The following EFNA5 variants were observed in gnomAD, a reference collection of about 807,000 sequenced individuals.
EFNA5 encodes ephrin-A5.
Under a neutral mutation model 22.9 loss-of-function variants are expected in EFNA5, and 5 were observed. The ratio of observed to expected loss-of-function variants is 0.22; its 90% CI spans 0.11 to 0.46. The LOEUF is 0.46. Ranked by LOEUF, EFNA5 falls within the 20% of genes least tolerant of loss-of-function variation. The pLI, the probability that EFNA5 is intolerant of heterozygous loss-of-function variation, is 0.99. For synonymous variants in EFNA5, 113 were observed against 112.2 expected (o/e 1.01, Z -0.04); for missense variants, 237 against 293.3 (o/e 0.81, Z 1.40).
chr5:107,440,517 T>A (rs1354119317), intron 1 of EFNA5, among the ~76,000 whole-genome samples: 1 of 152,180 alleles, frequency 6.6e-6, no homozygotes, highest in African/African-American at 2.4e-5. Context: ...TGAGGCAAGG[T>A]TAATGTCAAG....
chr5:107,515,461 C>T (rs1467903912), intron 1 of EFNA5, among the ~76,000 whole-genome samples: 1 of 151,240 alleles, frequency 6.6e-6, no homozygotes, highest in Admixed American at 6.6e-5. Context: ...TCAATGCAAC[C>T]TCCGCCTGCT....
Position 107,546,651 on chromosome 5 carries a change from AACACACACAC to A in EFNA5, c.126-119152_126-119143del, listed in dbSNP as rs767896375. 5.0e-4 allele frequency among the ~76,000 whole-genome samples: 61 copies of A among 121,360 alleles called. No homozygotes were observed. In the South Asian group the frequency reaches 0.014, roughly 28 times the overall value. 79.6% of individuals were successfully genotyped at this position (121,360 alleles called of 152,430 possible). On this transcript the variant is annotated intron_variant, in intron 1 of 4. Coordinates refer to ENST00000333274, the MANE Select transcript of EFNA5 (RefSeq NM_001962.3). ...AGTTGAAGGTTTTTCTGGTGCGTAA[AACACACACAC>A]ACACACACACACACACACACACACA...
At chr5:107,633,657 A>G (rs983154083) in intron 1 of EFNA5, among the ~76,000 whole-genome samples, 2 of 152,226 alleles carry the variant, frequency 1.3e-5, no homozygotes, top group Non-Finnish European at 2.9e-5. Flanking sequence ...TTTATCAGTG[A>G]CAGGAGGCCA....
intron 1 of EFNA5, among the ~76,000 whole-genome samples, chr5:107,522,284 T>C (rs986521029): frequency 6.6e-6 from 1 of 152,242 alleles, no homozygotes; most frequent in African/African-American, 2.4e-5. Context: ...AATTTTGTGA[T>C]ACAAGGAAAT....
At chr5:107,623,143 G>C (rs1486270789) in intron 1 of EFNA5, among the ~76,000 whole-genome samples, 1 of 151,490 alleles carries the variant, frequency 6.6e-6, no homozygotes, top group Non-Finnish European at 1.5e-5. Context: ...TCCCCAGATG[G>C]GTTTTACTTC....
intron 1 of EFNA5, among the ~76,000 whole-genome samples, chr5:107,429,088 C>T (rs933491607): frequency 1.3e-5 from 2 of 152,092 alleles, no homozygotes; most frequent in Non-Finnish European, 2.9e-5. Flanking sequence ...ATGCAGCACC[C>T]GAACATAAAC....
At position 107,640,981 on chromosome 5, in the gene EFNA5, T is replaced by G. The variant is rs201593589; in HGVS notation, c.125+29508A>C. 4.3e-4 allele frequency among the ~76,000 whole-genome samples: 41 copies of G among 96,344 alleles called. No individual in the cohort carries two copies. In the East Asian group the frequency reaches 5.0e-3, roughly 12 times the overall value. 63.2% of individuals were successfully genotyped at this position (96,344 alleles called of 152,430 possible). On this transcript the variant is annotated intron_variant, in intron 1 of 4. Coordinates refer to ENST00000333274, the MANE Select transcript of EFNA5 (RefSeq NM_001962.3). ...GTAGGTAGGTAGGTAGGCAGGTAGA[T>G]AGATAGATAGATAGATAGATAGATA...
chr5:107,648,043 T>C (rs1241105017), intron 1 of EFNA5, among the ~76,000 whole-genome samples: 2 of 152,198 alleles, frequency 1.3e-5, no homozygotes, highest in African/African-American at 4.8e-5. Context: ...TGCAAACGCA[T>C]TTAGTAACTT....
intron 1 of EFNA5, among the ~76,000 whole-genome samples, chr5:107,489,540 CT>C (rs1027895289): frequency 1.3e-4 from 19 of 151,930 alleles, no homozygotes; most frequent in African/African-American, 4.4e-4. Context: ...AAAATCATAC[CT>C]AAAAAAGTTT....
At chr5:107,392,695 A>T (rs563537372) in intron 2 of EFNA5, among the ~76,000 whole-genome samples, 57 of 152,328 alleles carry the variant, frequency 3.7e-4, no homozygotes, top group African/African-American at 1.3e-3. Context: ...TACACTAACA[A>T]ATCTGTGTAG....
At chr5:107,554,031 G>A (rs551888415) in intron 1 of EFNA5, among the ~76,000 whole-genome samples, 15 of 152,258 alleles carry the variant, frequency 9.9e-5, no homozygotes, top group Admixed American at 3.3e-4. Context: ...TTAATACCTA[G>A]AGTTGAGAAG....
At chr5:107,530,659 G>A (rs570708392) in intron 1 of EFNA5, among the ~76,000 whole-genome samples, 27 of 152,370 alleles carry the variant, frequency 1.8e-4, no homozygotes, top group African/African-American at 6.5e-4. Flanking sequence ...AAGAAGGACA[G>A]AGTGGGAGAT....
At chr5:107,471,222 C>A (rs1750132789) in intron 1 of EFNA5, among the ~76,000 whole-genome samples, 1 of 152,120 alleles carries the variant, frequency 6.6e-6, no homozygotes, top group Admixed American at 6.6e-5. Context: ...CCTCAATTCC[C>A]AGGACTCTTC....
chr5:107,663,328 G>GT (rs1482472242), intron 1 of EFNA5, among the ~76,000 whole-genome samples: 1 of 152,098 alleles, frequency 6.6e-6, no homozygotes, highest in Non-Finnish European at 1.5e-5. Context: ...AGGTATTCAT[G>GT]TGTTTCCAAC....
chr5:107,454,203 A>T (rs569030273), intron 1 of EFNA5, among the ~76,000 whole-genome samples: 1 of 152,200 alleles, frequency 6.6e-6, no homozygotes, highest in South Asian at 2.1e-4. Flanking sequence ...TGAAAATTGA[A>T]GTCATACAAT....
chr5:107,445,008 G>C (rs1336343086), intron 1 of EFNA5, among the ~76,000 whole-genome samples: 1 of 152,072 alleles, frequency 6.6e-6, no homozygotes, highest in African/African-American at 2.4e-5. Context: ...TAGGACAAGA[G>C]TATAAAGATT....
chr5:107,620,260 T>A (rs371002085), intron 1 of EFNA5, among the ~76,000 whole-genome samples: 11 of 152,382 alleles, frequency 7.2e-5, no homozygotes, highest in Middle Eastern at 3.4e-3. Context: ...CAACTCCTAA[T>A]TGTGCTGGCC....
chr5:107,457,992 T>C (rs1198908865), intron 1 of EFNA5, among the ~76,000 whole-genome samples: 6 of 152,274 alleles, frequency 3.9e-5, no homozygotes, highest in East Asian at 1.9e-4. Flanking sequence ...AAGGTTTCTA[T>C]AGTGGCACCA....
intron 2 of EFNA5, among the ~76,000 whole-genome samples, chr5:107,417,091 AT>A (rs1748523693): frequency 6.6e-6 from 1 of 152,162 alleles, no homozygotes; most frequent in South Asian, 2.1e-4. Context: ...AACAATATAC[AT>A]TCTTCTTAAA....
Sources: allele counts gnomAD v4.1 joint callset (sites outside exome capture counted in the v4.1 genomes callset), GRCh38; gene constraint gnomAD v4.1.1; transcripts MANE v1.5; gene names NCBI Gene and HGNC (gene_info 2026-07-23, HGNC 2026-07-21).